The following PLXDC2 variants were observed in gnomAD, a reference collection of about 807,000 sequenced individuals.
The protein encoded by PLXDC2 is plexin domain-containing protein 2.
In PLXDC2, 40 loss-of-function variants were observed where a neutral mutation model predicts 68.9. That is an observed-to-expected ratio of 0.58 (90% confidence interval 0.45 to 0.76). The LOEUF (loss-of-function observed/expected upper bound fraction) is 0.76, where lower values mean the gene tolerates loss of function less well. Among genes scored for constraint, PLXDC2 ranks in the 30% least tolerant of loss-of-function variants. PLXDC2 has a pLI of 0.00. For missense variants in PLXDC2, 644 were observed against 661.9 expected (o/e 0.97, Z 0.30); for synonymous variants, 243 against 234.2 (o/e 1.04, Z -0.34).
At chr10:20,257,134 C>G (rs11011916) in intron 13 of PLXDC2, among the ~76,000 whole-genome samples, 35,020 of 151,998 alleles carry the variant, frequency 0.23, 4,097 homozygotes, top group East Asian at 0.26. Flanking sequence ...ATTGTAAAGA[C>G]TTTCTGACAC....
chr10:20,187,849 A>G (rs573271154), intron 9 of PLXDC2, among the ~76,000 whole-genome samples: 1 of 151,882 alleles, frequency 6.6e-6, no homozygotes, highest in South Asian at 2.1e-4. Flanking sequence ...GTAAACATGT[A>G]TTTTAAATGT....
chr10:19,844,493 G>A (rs192346588), intron 1 of PLXDC2, among the ~76,000 whole-genome samples: 1 of 152,238 alleles, frequency 6.6e-6, no homozygotes, highest in East Asian at 1.9e-4. Context: ...GCTTTTCAAA[G>A]GCTACAGGAA....
rs575948720 is a variant in PLXDC2 at position 20,014,406 on chromosome 10, C to G, written c.324+12420C>G. 3.2e-4 allele frequency among the ~76,000 whole-genome samples: 39 copies of G among 122,272 alleles called. 2 individuals carry two copies. The highest frequency in any genetic ancestry group is 7.2e-4 in the African/African-American group (23 of 31,974). The allele number at this position is 122,272 out of a possible 152,430, so 80.2% of individuals were successfully genotyped here. A position where few individuals can be genotyped will look rare whatever the true frequency, so the allele number is the denominator to read the frequency against. On this transcript the variant is annotated intron_variant, in intron 2 of 13. Transcript: ENST00000377252. ...TGCTTCCTTCCTTCCTTCCTTCCTT[C>G]CTTCCTTCCTTCCTTCCTTCCTTCT...
chr10:20,107,684 C>T (rs1833509681), intron 4 of PLXDC2, among the ~76,000 whole-genome samples: 4 of 152,084 alleles, frequency 2.6e-5, no homozygotes. Context: ...TCCTGACATA[C>T]GAATGTCAAT....
intron 1 of PLXDC2, among the ~76,000 whole-genome samples, chr10:19,947,707 CTT>C (rs34439585): frequency 0.19 from 22,362 of 120,854 alleles, 1,460 homozygotes; most frequent in South Asian, 0.26. Flanking sequence ...TTCTTTCTTT[CTT>C]TTTTTTTTTT....
intron 2 of PLXDC2, among the ~76,000 whole-genome samples, chr10:20,015,285 G>A (rs1288097449): frequency 6.6e-6 from 1 of 152,066 alleles, no homozygotes; most frequent in Non-Finnish European, 1.5e-5. Flanking sequence ...GGCAAGGTTG[G>A]AATATACTAA....
intron 4 of PLXDC2, among the ~76,000 whole-genome samples, chr10:20,103,505 C>A (rs1589630673): frequency 2.6e-5 from 4 of 151,000 alleles, no homozygotes; most frequent in Admixed American, 6.6e-5. Flanking sequence ...TTTTAACAAA[C>A]CATTAAAAGA....
At chr10:20,105,836 C>T (rs1275518526) in intron 4 of PLXDC2, among the ~76,000 whole-genome samples, 1 of 152,196 alleles carries the variant, frequency 6.6e-6, no homozygotes, top group African/African-American at 2.4e-5. Context: ...GAGCTGCTCT[C>T]TAGTGATGTG....
intron 12 of PLXDC2, among the ~76,000 whole-genome samples, chr10:20,222,551 G>A (rs533304284): frequency 6.6e-6 from 1 of 152,302 alleles, no homozygotes; most frequent in African/African-American, 2.4e-5. Context: ...GGGTTGAGTG[G>A]AAATTCTAAG....
At chr10:20,219,238 G>T (rs1320510905) in intron 12 of PLXDC2, 136 bp downstream of exon 12, 5 of 914,408 alleles carry the variant, frequency 5.5e-6, no homozygotes, top group Non-Finnish European at 7.8e-6. Context: ...GATTTAACAT[G>T]GGAAGGAGTC....
At chr10:20,044,494 G>C (rs545027867) in intron 2 of PLXDC2, among the ~76,000 whole-genome samples, 8 of 151,764 alleles carry the variant, frequency 5.3e-5, no homozygotes, top group African/African-American at 1.7e-4. Context: ...ATTTATAGCG[G>C]AGACGGGGTT....
intron 1 of PLXDC2, among the ~76,000 whole-genome samples, chr10:19,822,488 A>G (rs1836487627): frequency 6.6e-6 from 1 of 152,158 alleles, no homozygotes; most frequent in African/African-American, 2.4e-5. Flanking sequence ...AGGTATATAT[A>G]CAGAAGAGAG....
intron 4 of PLXDC2, among the ~76,000 whole-genome samples, chr10:20,129,709 C>T (rs1043793722): frequency 7.2e-5 from 11 of 151,978 alleles, no homozygotes; most frequent in Admixed American, 2.0e-4. Flanking sequence ...AAATAATGCT[C>T]CAATTTTATT....
intron 3 of PLXDC2, among the ~76,000 whole-genome samples, chr10:20,065,854 A>G (rs1287793501): frequency 2.0e-5 from 3 of 152,204 alleles, no homozygotes; most frequent in Non-Finnish European, 2.9e-5. Flanking sequence ...GTAAATACTG[A>G]CGAAGCTTCC....
At chr10:20,049,072 T>G (rs577588074) in intron 3 of PLXDC2, among the ~76,000 whole-genome samples, 40 of 152,212 alleles carry the variant, frequency 2.6e-4, no homozygotes, top group Non-Finnish European at 2.6e-4. Context: ...ATAGCTTGGG[T>G]TCTTGGTTAC....
intron 1 of PLXDC2, among the ~76,000 whole-genome samples, chr10:19,875,737 GACATCA>G (rs562896939): frequency 6.8e-4 from 103 of 152,244 alleles, no homozygotes; most frequent in African/African-American, 2.4e-3. Context: ...AATTTTCTAA[GACATCA>G]ACAGCAAAAT....
intron 3 of PLXDC2, among the ~76,000 whole-genome samples, chr10:20,065,239 G>A (rs932216586): frequency 5.9e-5 from 9 of 152,170 alleles, no homozygotes; most frequent in African/African-American, 1.9e-4. Flanking sequence ...GGTAGCAAGT[G>A]CAAGGAACTA....
intron 2 of PLXDC2, among the ~76,000 whole-genome samples, chr10:20,043,583 A>G (rs1438190590): frequency 6.6e-6 from 1 of 152,116 alleles, no homozygotes; most frequent in Non-Finnish European, 1.5e-5. Context: ...CACCTTAAAG[A>G]AAATATCTAT....
intron 9 of PLXDC2, among the ~76,000 whole-genome samples, chr10:20,184,249 T>A (rs2131832391): frequency 6.6e-6 from 1 of 151,416 alleles, no homozygotes; most frequent in South Asian, 2.1e-4. Context: ...TTTGCAGTAA[T>A]GAAAAGAGAA....
Sources: allele counts gnomAD v4.1 joint callset (sites outside exome capture counted in the v4.1 genomes callset), GRCh38; gene constraint gnomAD v4.1.1; transcripts MANE v1.5; gene names NCBI Gene and HGNC (gene_info 2026-07-23, HGNC 2026-07-21).